The following MTA3 variants were observed in gnomAD, a reference collection of about 807,000 sequenced individuals.
MTA3 encodes metastasis associated 1 family member 3.
A neutral mutation model predicts 83.5 loss-of-function variants in MTA3; 34 were observed. That is an observed-to-expected ratio of 0.41 (90% CI 0.31 to 0.54). MTA3 has a LOEUF of 0.54. Among genes scored for constraint, MTA3 ranks in the 20% least tolerant of loss-of-function variants. MTA3 has a pLI of 0.33. For missense variants in MTA3, 761 were observed against 726.4 expected (o/e 1.05, Z -0.55); for synonymous variants, 303 against 252.7 (o/e 1.20, Z -1.89).
chr2:42,567,565 G>A (rs140361333), upstream of MTA3, among the ~76,000 whole-genome samples: 225 of 151,950 alleles, frequency 1.5e-3, 1 homozygote, highest in Non-Finnish European at 2.8e-3. Context: ...GCAATGTCTG[G>A]GAGTACTTTG....
intron 4 of MTA3, among the ~76,000 whole-genome samples, chr2:42,638,618 C>T (rs1402794576): frequency 2.0e-5 from 3 of 151,974 alleles, no homozygotes; most frequent in African/African-American, 4.8e-5. Context: ...TCTTCTACCT[C>T]GGCCTCCCAA....
chr2:42,739,527 T>G (rs1668869489), intron 16 of MTA3, among the ~76,000 whole-genome samples: 1 of 152,112 alleles, frequency 6.6e-6, no homozygotes, highest in Non-Finnish European at 1.5e-5. Context: ...TGCCTCAATG[T>G]TGATGGCCAC....
At chr2:42,560,999 T>G (rs1245996411) in intron 2 of MTA3, among the ~76,000 whole-genome samples, 1 of 152,116 alleles carries the variant, frequency 6.6e-6, no homozygotes, top group Admixed American at 6.5e-5. Context: ...AATCCAAACT[T>G]TTTACCATGG....
chr2:42,530,689 G>C (rs1675922546), intron 2 of MTA3, among the ~76,000 whole-genome samples: 1 of 151,880 alleles, frequency 6.6e-6, no homozygotes, highest in Non-Finnish European at 1.5e-5. Flanking sequence ...GGAGGCTGAG[G>C]CAGGAGAATC....
In MTA3 at chr2:42,615,161, C is replaced by T. The variant is rs898139739; in HGVS notation, c.317+5577C>T. On this transcript the variant is annotated intron_variant, in intron 4 of 16. Transcript: ENST00000405094. ...CAAAAATTAGCTGGTCATGGTGGCA[C>T]GTGCCTGTAATCCCAGCTCCTCTGG... Among the ~76,000 whole-genome samples, 5 of 151,456 alleles carry T rather than the reference C, an allele frequency of 3.3e-5. No individual in the cohort carries two copies. The East Asian group carries it at 5.8e-4, about 18-fold the overall frequency.
chr2:42,644,377 C>T, intron 6 of MTA3, 133 bp downstream of exon 6: 1 of 548,138 alleles, frequency 1.8e-6, no homozygotes, highest in South Asian at 2.9e-5. Flanking sequence ...TTTTACTGTT[C>T]TTTGTAAAAA....
At chr2:42,513,515 T>G (rs1192077865) in intron 2 of MTA3, among the ~76,000 whole-genome samples, 1 of 152,168 alleles carries the variant, frequency 6.6e-6, no homozygotes, top group East Asian at 1.9e-4. Context: ...TGTTAAAGCC[T>G]CCTGGCCAAT....
chr2:42,753,584 T>C lies in MTA3; in HGVS notation c.*185T>C, dbSNP rs2104612593. 1 of 1,411,676 alleles carries C rather than the reference T, an allele frequency of 7.1e-7. No individual in the cohort carries two copies. Among genetic ancestry groups the C allele is most frequent in the African/African-American group, 1.4e-5 (1 of 69,086 alleles). 87.4% of individuals were successfully genotyped at this position (1,411,676 alleles called of 1,614,324 possible). A position where few individuals can be genotyped will look rare whatever the true frequency, so the allele number is the denominator to read the frequency against. ...GAGTGCACGTTCCAAATCCTGTGTC[T>C]CCACGTGTGGATCAGCAGCACCTCG... On this transcript the variant is annotated 3_prime_UTR_variant, in exon 17 of 17. Transcript: ENST00000405094.
intron 16 of MTA3, chr2:42,723,328 G>C (rs879626456): frequency 5.1e-5 from 16 of 315,136 alleles, no homozygotes; most frequent in Non-Finnish European, 6.5e-5. Context: ...TTGCTGTGAT[G>C]CGCGCTCACT....
At chr2:42,603,857 TCTC>T (rs1349868985) in intron 3 of MTA3, among the ~76,000 whole-genome samples, 1 of 151,950 alleles carries the variant, frequency 6.6e-6, no homozygotes, top group Non-Finnish European at 1.5e-5. Flanking sequence ...TTCACGCCAT[TCTC>T]CTGCCTCAGC....
At chr2:42,498,101 A>G (rs2103634654) in intron 2 of MTA3, among the ~76,000 whole-genome samples, 1 of 152,328 alleles carries the variant, frequency 6.6e-6, no homozygotes, top group Middle Eastern at 3.4e-3. Flanking sequence ...TGTGGGCACT[A>G]CTGTTCCATG....
At chr2:42,631,979 C>G (rs1686722024) in intron 4 of MTA3, among the ~76,000 whole-genome samples, 1 of 152,040 alleles carries the variant, frequency 6.6e-6, no homozygotes, top group Non-Finnish European at 1.5e-5. Flanking sequence ...CATGAGCCAC[C>G]AGGCCTGGCC....
rs571288729 is a variant in MTA3 at position 42,655,344 on chromosome 2, A to G, written c.500-856A>G. Among the ~76,000 whole-genome samples the G allele has an allele frequency of 6.2e-4, 94 of 152,278 alleles. 3 individuals are homozygous for G. In the South Asian group the frequency reaches 0.018, roughly 30 times the overall value. On this transcript the variant is annotated intron_variant, in intron 6 of 16. Coordinates refer to ENST00000405094, the MANE Select transcript of MTA3 (RefSeq NM_001330442.2). ...TCCAGACATTATGAGCTACTTTTCT[A>G]TGACATTTTAATGCCCCATGACTTT...
At chr2:42,594,728 A>ATATATATATATATATATTTTTTT in intron 3 of MTA3, among the ~76,000 whole-genome samples, 36 of 24,034 alleles carry the variant, frequency 1.5e-3, no homozygotes, top group Admixed American at 1.8e-3. Context: ...ATATATATAT[A>ATATATATATATATATATTTTTTT]TTTTTTTTTT....
chr2:42,634,628 G>A (rs1218047119), intron 4 of MTA3, among the ~76,000 whole-genome samples: 1 of 152,192 alleles, frequency 6.6e-6, no homozygotes, highest in Admixed American at 6.5e-5. Flanking sequence ...TGGGGACACA[G>A]AGCCAAACCA....
chr2:42,569,718 C>T (rs536844793), intron 1 of MTA3: 21 of 152,262 alleles, frequency 1.4e-4, no homozygotes, highest in African/African-American at 4.6e-4. Context: ...AGAGGAAAAG[C>T]CACACTTGAA....
chr2:42,624,217 T>G (rs1279780752), intron 4 of MTA3, among the ~76,000 whole-genome samples: 2 of 152,162 alleles, frequency 1.3e-5, no homozygotes, highest in Admixed American at 1.3e-4. Flanking sequence ...TCAATAAAAC[T>G]GAATTACTTT....
In MTA3 at chr2:42,596,826, AT is replaced by A. The variant is rs934481356; in HGVS notation, c.191-12622del. Among the ~76,000 whole-genome samples, 6 of 149,280 alleles carry A rather than the reference AT, an allele frequency of 4.0e-5. No individual in the cohort carries two copies. The South Asian group carries it at 6.4e-4, about 16-fold the overall frequency. The stretch of plus-strand genomic sequence containing the variant: ...GTGACTAGTTGATTGAAAATCCTTA[AT>A]TTTTTTTTTGCTGTCTGTGGACTTA... On this transcript the variant is annotated intron_variant, in intron 3 of 16. Transcript: ENST00000405094.
chr2:42,685,820 AGTT>A (rs1309121265), intron 9 of MTA3, among the ~76,000 whole-genome samples: 1 of 151,922 alleles, frequency 6.6e-6, no homozygotes, highest in Non-Finnish European at 1.5e-5. Context: ...TTTTTGTGGT[AGTT>A]GTTGTTTTTA....
Sources: gnomAD v4.1 joint callset for allele counts (sites outside exome capture counted in the v4.1 genomes callset) on GRCh38, gnomAD v4.1.1 for gene constraint, MANE v1.5 for transcripts, NCBI Gene and HGNC (gene_info 2026-07-23, HGNC 2026-07-21) for gene names.